KANK2: variants seen among roughly 807,000 people sequenced by gnomAD.
The protein encoded by KANK2 is KN motif and ankyrin repeat domain-containing protein 2.
KANK2 carries 41 observed loss-of-function variants against 74.6 expected under a neutral mutation model. The ratio of observed to expected loss-of-function variants is 0.55; its 90% CI spans 0.43 to 0.71. The LOEUF is 0.71. Among genes scored for constraint, KANK2 ranks in the 30% least tolerant of loss-of-function variants. The pLI is 0.00. For missense variants in KANK2, 1,148 were observed against 1,196.4 expected, an observed-to-expected ratio of 0.96 and a Z score of 0.60; for synonymous variants, 537 against 519.0, an observed-to-expected ratio of 1.03 and a Z score of -0.47.
intron 9 of KANK2, 21 bp downstream of exon 9, chr19:11,174,452 C>A: frequency 6.3e-7 from 1 of 1,579,242 alleles, no homozygotes; most frequent in East Asian, 2.3e-5. Flanking sequence ...AGAGCCGCCT[C>A]GTCCTCCCCG....
At chr19:11,194,611 C>T (rs920408667) in intron 2 of KANK2, 21 bp from the exon 3 acceptor site, 16 of 961,636 alleles carry the variant, frequency 1.7e-5, no homozygotes, top group Middle Eastern at 4.2e-4. Context: ...AGAACCACGG[C>T]GCCGGGAGTT....
intron 9 of KANK2, among the ~76,000 whole-genome samples, chr19:11,173,681 G>A (rs150729839): frequency 4.1e-4 from 63 of 152,210 alleles, no homozygotes; most frequent in African/African-American, 8.9e-4. Context: ...GGTAGGGCCC[G>A]TGCCTCCCCC....
intron 6 of KANK2, 22 bp from the exon 7 acceptor site, chr19:11,176,839 G>T (rs199501503): frequency 1.3e-6 from 2 of 1,495,048 alleles, no homozygotes. Flanking sequence ...CGAGCGGGGA[G>T]GGGGAGATGC....
At chr19:11,177,277 G>A (rs1256975595) in intron 6 of KANK2, among the ~76,000 whole-genome samples, 1 of 151,894 alleles carries the variant, frequency 6.6e-6, no homozygotes, top group Non-Finnish European at 1.5e-5. Flanking sequence ...TAGTAGAGTC[G>A]GGGTTTCGCC....
chr19:11,164,837 C>G lies in KANK2; in HGVS notation c.*1721G>C, dbSNP rs2077988129. ...TCACTAAAAATCAAAGCAAGCCAGTCTACATCAAGCCAAGAAACCTACTTT... is the reference window on the plus strand; with the variant it reads ...TCACTAAAAATCAAAGCAAGCCAGTGTACATCAAGCCAAGAAACCTACTTT... On this transcript the variant is annotated 3_prime_UTR_variant, in exon 13 of 13. Transcript: ENST00000586659. The G allele has an allele frequency of 6.6e-6, 1 of 152,098 alleles. No individual in the cohort carries two copies. The highest frequency in any genetic ancestry group is 1.5e-5 in the Non-Finnish European group (1 of 68,030). The allele number at this position is 152,098 out of a possible 1,614,324, so 9.4% of individuals were successfully genotyped here. A position where few individuals can be genotyped will look rare whatever the true frequency, so the allele number is the denominator to read the frequency against.
At chr19:11,173,700 G>T (rs183466060) in intron 9 of KANK2, among the ~76,000 whole-genome samples, 27 of 152,268 alleles carry the variant, frequency 1.8e-4, no homozygotes, top group African/African-American at 6.3e-4. Context: ...CCACCAGACT[G>T]GGAAGGAAGT....
At chr19:11,169,842 C>T in intron 12 of KANK2, 35 bp downstream of exon 12, 1 of 1,527,082 alleles carries the variant, frequency 6.5e-7, no homozygotes, top group East Asian at 2.2e-5. Context: ...AGAGACCCAC[C>T]CATCCCGTGC....
chr19:11,176,446 T>G, intron 7 of KANK2, 132 bp downstream of exon 7: 1 of 1,036,108 alleles, frequency 9.7e-7, no homozygotes, highest in African/African-American at 1.6e-5. Context: ...GAGCAAGTGC[T>G]CGTTTGCTAA....
rs1356609411 is a variant in KANK2, at chr19:11,170,739, C to T, written c.2212-491G>A. 1.3e-5 allele frequency among the ~76,000 whole-genome samples: 2 copies of T among 152,122 alleles called. No individual in the cohort carries two copies. Among genetic ancestry groups the T allele is most frequent in the East Asian group, 1.9e-4 (1 of 5,196 alleles). ...CCGAGTAGCTGAGACTACAGGCATGCGCCACAATGCCTGGCTAATTTTTGT... is the reference window on the plus strand; with the variant it reads ...CCGAGTAGCTGAGACTACAGGCATGTGCCACAATGCCTGGCTAATTTTTGT... On this transcript the variant is annotated intron_variant, in intron 10 of 12. Coordinates refer to ENST00000586659, the MANE Select transcript of KANK2 (RefSeq NM_001136191.3). This position sits in a 1 kb window ranked among gnomAD's most constrained non-coding sequence, Gnocchi z 5.2.
intron 10 of KANK2, among the ~76,000 whole-genome samples, chr19:11,172,354 G>A (rs2078201818): frequency 6.6e-6 from 1 of 152,168 alleles, no homozygotes; most frequent in Admixed American, 6.6e-5. Context: ...GATAAGGCAG[G>A]ATCATGCCTG....
chr19:11,193,715 G>A lies in KANK2; in HGVS notation c.365C>T (p.Pro122Leu), dbSNP rs751707512. The A allele has an allele frequency of 5.6e-6, 9 of 1,612,134 alleles. No homozygotes were observed. Among genetic ancestry groups the A allele is most frequent in the African/African-American group, 1.3e-5 (1 of 75,016 alleles). The change falls in exon 4 of 13, where the codon CCG becomes CTG. Residue 122 changes from proline (P) to leucine (L), a missense_variant. By Grantham distance (98) the Pro-to-Leu change is moderately conservative (BLOSUM62 -3). Transcript: ENST00000586659. This position sits in a 1 kb window ranked among gnomAD's most constrained non-coding sequence, Gnocchi z 9.6. ...GALETRGGFN[P>L]RVERTLLDAR... is the part of the protein sequence containing the mutation. Reference sequence around the variant, plus strand: ...ATCCAGCAGCGTGCGCTCCACCCGCGGATTGAAGCCACCGCGGGTCTCCAG... The same window carrying A: ...ATCCAGCAGCGTGCGCTCCACCCGCAGATTGAAGCCACCGCGGGTCTCCAG...
At chr19:11,191,216 T>C (rs983427421) in intron 4 of KANK2, among the ~76,000 whole-genome samples, 25 of 151,816 alleles carry the variant, frequency 1.6e-4, no homozygotes, top group African/African-American at 5.8e-4. Context: ...AATTTTTGTA[T>C]TTTTAATAGA....
intron 1 of KANK2, chr19:11,196,789 C>T (rs186919802): frequency 6.6e-6 from 1 of 152,408 alleles, no homozygotes; most frequent in African/African-American, 2.4e-5. Flanking sequence ...GATGGAGAGA[C>T]TGGAGCCTAT....
chr19:11,178,138 A>G (rs2078397746), intron 6 of KANK2, among the ~76,000 whole-genome samples: 1 of 152,178 alleles, frequency 6.6e-6, no homozygotes, highest in Non-Finnish European at 1.5e-5. Flanking sequence ...CAGGGCACGC[A>G]GGGCTGACTC....
intron 4 of KANK2, among the ~76,000 whole-genome samples, chr19:11,186,592 G>A (rs1271914145): frequency 6.6e-6 from 1 of 151,948 alleles, no homozygotes; most frequent in Non-Finnish European, 1.5e-5. Flanking sequence ...TCAGCTACTC[G>A]GGAGGCTGAG....
intron 4 of KANK2, among the ~76,000 whole-genome samples, chr19:11,181,838 AAAAC>A (rs1409618567): frequency 4.6e-5 from 7 of 152,126 alleles, no homozygotes; most frequent in Non-Finnish European, 1.0e-4. Context: ...AATACAAGAA[AAAAC>A]AAACAAACAA....
At chr19:11,194,677 A>C in intron 2 of KANK2, 87 bp from the exon 3 acceptor site, 1 of 586,248 alleles carries the variant, frequency 1.7e-6, no homozygotes, top group East Asian at 3.0e-5. Context: ...CAGCTGGTTC[A>C]CCCAGCCCCC....
intron 4 of KANK2, among the ~76,000 whole-genome samples, chr19:11,183,021 T>C: frequency 6.6e-6 from 1 of 152,236 alleles, no homozygotes; most frequent in Middle Eastern, 3.4e-3. Context: ...ATAAAATTGA[T>C]GATACTTATT....
intron 9 of KANK2, among the ~76,000 whole-genome samples, chr19:11,173,931 G>T (rs889185401): frequency 7.3e-5 from 11 of 151,192 alleles, no homozygotes; most frequent in African/African-American, 2.7e-4. Context: ...GAACCGGGAA[G>T]ATGATGTCTC....
Sources: allele counts gnomAD v4.1 joint callset (sites outside exome capture counted in the v4.1 genomes callset), GRCh38; gene constraint gnomAD v4.1.1; non-coding constraint Gnocchi (gnomAD v3.1); transcripts MANE v1.5; gene names NCBI Gene and HGNC (gene_info 2026-07-23, HGNC 2026-07-21).